Variants in PBX3 observed in about 807,000 individuals in gnomAD.
PBX3 encodes the protein PBX homeobox 3.
Under a neutral mutation model 48.5 loss-of-function variants are expected in PBX3, and 14 were observed. The ratio of observed to expected loss-of-function variants is 0.29; its 90% CI spans 0.19 to 0.45. The LOEUF is 0.45. PBX3 is among the 20% of genes least tolerant of loss of function. PBX3 has a pLI of 1.00. For synonymous variants in PBX3, 210 were observed against 200.3 expected (o/e 1.05, Z -0.41); for missense variants, 386 against 546.7 (o/e 0.71, Z 2.93).
At chr9:125,899,320 TTTATATAA>T (rs1463444333) in intron 2 of PBX3, among the ~76,000 whole-genome samples, 25 of 106,354 alleles carry the variant, frequency 2.4e-4, no homozygotes, top group Non-Finnish European at 3.8e-4. Context: ...TGTATATATT[TTTATATAA>T]ATATATACAT....
At chr9:125,901,002 T>TA (rs1236324110) in intron 2 of PBX3, among the ~76,000 whole-genome samples, 1 of 151,824 alleles carries the variant, frequency 6.6e-6, no homozygotes, top group African/African-American at 2.4e-5. Flanking sequence ...AAATCATTTC[T>TA]AAAAAATGGC....
chr9:125,960,411 G>A (rs565498037), intron 5 of PBX3, among the ~76,000 whole-genome samples: 1 of 152,270 alleles, frequency 6.6e-6, no homozygotes, highest in African/African-American at 2.4e-5. Context: ...TCGGTATATA[G>A]CAGTTGGATA....
chr9:125,818,495 C>T (rs117317336), intron 2 of PBX3, among the ~76,000 whole-genome samples: 7,081 of 151,584 alleles, frequency 0.047, 209 homozygotes, highest in Non-Finnish European at 0.07. Flanking sequence ...CCACCACGCC[C>T]GGCTAATTTT....
At chr9:125,847,559 T>G (rs1386626010) in intron 2 of PBX3, among the ~76,000 whole-genome samples, 1 of 152,062 alleles carries the variant, frequency 6.6e-6, no homozygotes, top group East Asian at 1.9e-4. Context: ...CTCATAATTG[T>G]TTTCCCAAGT....
At chr9:125,937,859 C>A (rs1373343207) in intron 5 of PBX3, among the ~76,000 whole-genome samples, 1 of 152,100 alleles carries the variant, frequency 6.6e-6, no homozygotes, top group Non-Finnish European at 1.5e-5. Context: ...CAGGGATTCA[C>A]CCTGTTGTCC....
chr9:125,955,978 G>A (rs970709709), intron 5 of PBX3, among the ~76,000 whole-genome samples: 10 of 152,156 alleles, frequency 6.6e-5, no homozygotes, highest in African/African-American at 2.4e-4. Flanking sequence ...AAAAGCTGAC[G>A]GGGCGTCCTG....
intron 2 of PBX3, among the ~76,000 whole-genome samples, chr9:125,851,121 A>G (rs1350337391): frequency 6.6e-6 from 1 of 152,100 alleles, no homozygotes; most frequent in African/African-American, 2.4e-5. Flanking sequence ...GAGCTATTAG[A>G]TATATTTTTC....
chr9:125,883,106 CAT>C (rs1588256428), intron 2 of PBX3, among the ~76,000 whole-genome samples: 1 of 152,188 alleles, frequency 6.6e-6, no homozygotes, highest in East Asian at 1.9e-4. Flanking sequence ...AGCGATAATA[CAT>C]AGTGTTGATG....
chr9:125,756,366 G>T (rs1836518275), intron 2 of PBX3, among the ~76,000 whole-genome samples: 1 of 152,120 alleles, frequency 6.6e-6, no homozygotes, highest in Non-Finnish European at 1.5e-5. Flanking sequence ...ATACATGAAT[G>T]AATACTAGGA....
intron 5 of PBX3, among the ~76,000 whole-genome samples, chr9:125,958,420 G>T (rs1055721859): frequency 1.3e-5 from 2 of 152,330 alleles, no homozygotes; most frequent in Admixed American, 6.5e-5. Flanking sequence ...GGCCAAGAAG[G>T]CTAATAGTAG....
chr9:125,788,075 T>C (rs146430226), intron 2 of PBX3, among the ~76,000 whole-genome samples: 1 of 152,364 alleles, frequency 6.6e-6, no homozygotes, highest in Admixed American at 6.5e-5. Context: ...TTTAAATGAA[T>C]GTGACAATTA....
chr9:125,931,751 A>C (rs929209055), intron 4 of PBX3, among the ~76,000 whole-genome samples: 3 of 152,220 alleles, frequency 2.0e-5, no homozygotes, highest in Non-Finnish European at 4.4e-5. Context: ...CAAATATACC[A>C]TAACATTCTA....
At chr9:125,753,078 C>T (rs1233138697) in intron 2 of PBX3, among the ~76,000 whole-genome samples, 2 of 152,134 alleles carry the variant, frequency 1.3e-5, no homozygotes, top group African/African-American at 2.4e-5. Flanking sequence ...CGTGTTTTCT[C>T]TGTAATTCCC....
chr9:125,781,013 A>G (rs1253459594), intron 2 of PBX3, among the ~76,000 whole-genome samples: 54 of 93,514 alleles, frequency 5.8e-4, no homozygotes, highest in African/African-American at 1.7e-3. Flanking sequence ...GCGGCCGGGC[A>G]GAGACGCTCC....
chr9:125,902,024 G>T (rs1588278470), intron 2 of PBX3, among the ~76,000 whole-genome samples: 3 of 150,862 alleles, frequency 2.0e-5, no homozygotes, highest in Admixed American at 2.0e-4. Flanking sequence ...TGAAGAAGCT[G>T]CTTTTTTTAA....
At chr9:125,955,198 T>C (rs1183658642) in intron 5 of PBX3, among the ~76,000 whole-genome samples, 1 of 152,166 alleles carries the variant, frequency 6.6e-6, no homozygotes, top group African/African-American at 2.4e-5. Flanking sequence ...GTTTCAGCTC[T>C]GTCCCCTGCA....
At chr9:125,748,320 TGCTGCCTGCCGGGCA>T in intron 1 of PBX3, 1 of 1,206,414 alleles carries the variant, frequency 8.3e-7, no homozygotes, top group South Asian at 2.1e-5. Context: ...TGGCCGAGGC[TGCTGCCTGCCGGGCA>T]GATGGGTCCG....
chr9:125,926,242 A>G (rs572265457), intron 3 of PBX3, among the ~76,000 whole-genome samples: 2 of 152,318 alleles, frequency 1.3e-5, no homozygotes, highest in Admixed American at 1.3e-4. Flanking sequence ...AATATAGGCC[A>G]GGTATGGTGG....
At chr9:125,777,036 GTC>G (rs1398273912) in intron 2 of PBX3, among the ~76,000 whole-genome samples, 2 of 146,344 alleles carry the variant, frequency 1.4e-5, no homozygotes, top group Non-Finnish European at 3.0e-5. Context: ...TTGAGACGGA[GTC>G]TCTGTCACCA....
Sources: gnomAD v4.1 joint callset for allele counts (sites outside exome capture counted in the v4.1 genomes callset) on GRCh38, gnomAD v4.1.1 for gene constraint, MANE v1.5 for transcripts, NCBI Gene and HGNC (gene_info 2026-07-23, HGNC 2026-07-21) for gene names.